Variants in ZNF385D observed in about 807,000 individuals in gnomAD.
ZNF385D encodes zinc finger protein 659.
A neutral mutation model predicts 35.8 loss-of-function variants in ZNF385D; 15 were observed. That is an observed-to-expected ratio of 0.42 (90% CI 0.28 to 0.64). The LOEUF is 0.64. Among genes scored for constraint, ZNF385D ranks in the 30% least tolerant of loss-of-function variants. ZNF385D has a pLI of 0.23. For synonymous variants in ZNF385D, 212 were observed against 186.8 expected (o/e 1.13, Z -1.10); for missense variants, 474 against 494.6 (o/e 0.96, Z 0.39).
intron 3 of ZNF385D, among the ~76,000 whole-genome samples, chr3:21,883,578 C>T (rs899221721): frequency 2.0e-5 from 3 of 151,970 alleles, no homozygotes; most frequent in South Asian, 4.1e-4. Context: ...AATTTGACAG[C>T]GTTTCCCAAG....
At chr3:21,991,534 G>C (rs1416585586) in intron 3 of ZNF385D, among the ~76,000 whole-genome samples, 4 of 152,312 alleles carry the variant, frequency 2.6e-5, no homozygotes, top group African/African-American at 9.6e-5. Context: ...AATATTTTGT[G>C]TTATTCCCAT....
At chr3:21,979,375 G>A (rs1428051868) in intron 3 of ZNF385D, among the ~76,000 whole-genome samples, 1 of 152,104 alleles carries the variant, frequency 6.6e-6, no homozygotes, top group African/African-American at 2.4e-5. Flanking sequence ...TAACCTCATT[G>A]TAGACATAAG....
chr3:21,962,239 G>C (rs924505437), intron 3 of ZNF385D, among the ~76,000 whole-genome samples: 37 of 152,214 alleles, frequency 2.4e-4, no homozygotes, highest in African/African-American at 7.9e-4. Context: ...GAGAAGTAGA[G>C]AAATGAAGAT....
intron 3 of ZNF385D, among the ~76,000 whole-genome samples, chr3:22,145,978 C>T (rs1704827212): frequency 6.6e-6 from 1 of 151,956 alleles, no homozygotes; most frequent in Non-Finnish European, 1.5e-5. Flanking sequence ...GGATTCAAGC[C>T]AATGCATAGA....
At chr3:22,048,147 C>T (rs1305287665) in intron 3 of ZNF385D, among the ~76,000 whole-genome samples, 1 of 151,998 alleles carries the variant, frequency 6.6e-6, no homozygotes, top group Non-Finnish European at 1.5e-5. Flanking sequence ...TAGTGCCTTA[C>T]CAGATGGGTG....
intron 3 of ZNF385D, among the ~76,000 whole-genome samples, chr3:21,856,719 C>G (rs1404379683): frequency 6.6e-6 from 1 of 152,044 alleles, no homozygotes; most frequent in Non-Finnish European, 1.5e-5. Context: ...GTATTTCTAA[C>G]TAGTTGACCT....
In ZNF385D at chr3:22,241,810, A is replaced by C. The variant is rs530442219; in HGVS notation, c.107-72775T>G. Among the ~76,000 whole-genome samples the C allele has an allele frequency of 3.6e-4, 55 of 151,042 alleles. 3 individuals are homozygous for C. The South Asian group carries it at 5.9e-3, about 16-fold the overall frequency. The stretch of plus-strand genomic sequence containing the variant: ...GTGATGAATACACACTCTACAAGGC[A>C]ATATCCATCATTTGAAATTCCAGGA... On this transcript the variant is annotated intron_variant, in intron 2 of 5. Transcript: ENST00000494108.
intron 3 of ZNF385D, among the ~76,000 whole-genome samples, chr3:21,526,532 G>A (rs967274166): frequency 5.9e-5 from 9 of 152,158 alleles, no homozygotes; most frequent in African/African-American, 2.2e-4. Flanking sequence ...TGTAGAACAT[G>A]CAGCCATGGA....
intron 2 of ZNF385D, among the ~76,000 whole-genome samples, chr3:22,266,242 G>C (rs1217373208): frequency 6.6e-6 from 1 of 151,976 alleles, no homozygotes; most frequent in Non-Finnish European, 1.5e-5. Context: ...CAATCAAGCT[G>C]CTTCTTTTTC....
At chr3:22,086,120 G>T (rs544452569) in intron 3 of ZNF385D, among the ~76,000 whole-genome samples, 1 of 152,322 alleles carries the variant, frequency 6.6e-6, no homozygotes, top group Admixed American at 6.5e-5. Context: ...AAACCTGGAA[G>T]CATTCCCTTT....
rs183964537 is a variant in ZNF385D at position 22,137,225 on chromosome 3, C to T, written c.325+31592G>A. Among the ~76,000 whole-genome samples the T allele has an allele frequency of 8.5e-5, 13 of 152,226 alleles. 1 individual carries two copies. Among genetic ancestry groups the T allele is most frequent in the East Asian group, 1.9e-4 (1 of 5,180 alleles). ...GTCCAGGACCAGACGGATTCACAGC[C>T]GAATTCTACCAGAGGTACAAGGAGG... On this transcript the variant is annotated intron_variant, in intron 3 of 5. Transcript: ENST00000494108.
At position 21,589,298 on chromosome 3, in the gene ZNF385D, G is replaced by A. The variant is rs767634138; in HGVS notation, c.166-24614C>T. On this transcript the variant is annotated intron_variant, in intron 2 of 7. Transcript: ENST00000281523. ...AGCAAGTGCAAAGACCCTGCAGTCG[G>A]AGTTTACCTGAGGAAGATATGTCAT... Among the ~76,000 whole-genome samples the A allele has an allele frequency of 5.1e-4, 78 of 152,314 alleles. 2 individuals carry two copies. The highest frequency in any genetic ancestry group is 1.2e-4 in the Non-Finnish European group (8 of 68,042).
chr3:21,909,096 ACTAGGG>A, intron 3 of ZNF385D, among the ~76,000 whole-genome samples: 1 of 152,198 alleles, frequency 6.6e-6, no homozygotes, highest in Non-Finnish European at 1.5e-5. Context: ...CATTGATAGC[ACTAGGG>A]TTGAAAACAC....
chr3:21,780,800 G>C (rs759065219), intron 3 of ZNF385D, among the ~76,000 whole-genome samples: 5 of 151,946 alleles, frequency 3.3e-5, no homozygotes, highest in African/African-American at 4.8e-5. Context: ...TGATCAATAA[G>C]AATGTTCAGA....
At chr3:21,652,740 T>C (rs895003677) in intron 2 of ZNF385D, among the ~76,000 whole-genome samples, 1 of 151,916 alleles carries the variant, frequency 6.6e-6, no homozygotes, top group Non-Finnish European at 1.5e-5. Context: ...TTTTTAGTCC[T>C]TGCGATAGTC....
intron 3 of ZNF385D, among the ~76,000 whole-genome samples, chr3:21,980,673 G>A (rs1369692083): frequency 6.6e-6 from 1 of 152,064 alleles, no homozygotes; most frequent in African/African-American, 2.4e-5. Context: ...CAGCTATTAA[G>A]CCCAGTATCC....
chr3:22,027,059 G>A (rs963119566), intron 3 of ZNF385D, among the ~76,000 whole-genome samples: 1 of 152,120 alleles, frequency 6.6e-6, no homozygotes, highest in Admixed American at 6.5e-5. Context: ...TGTCCATAAG[G>A]CCCACCCAAA....
chr3:22,046,852 G>T (rs1699034050), intron 3 of ZNF385D, among the ~76,000 whole-genome samples: 1 of 152,036 alleles, frequency 6.6e-6, no homozygotes, highest in Admixed American at 6.6e-5. Context: ...AGTAAATGTG[G>T]AATTCATTTC....
At chr3:21,554,898 T>C (rs1343128148) in intron 3 of ZNF385D, among the ~76,000 whole-genome samples, 1 of 152,318 alleles carries the variant, frequency 6.6e-6, no homozygotes, top group South Asian at 2.1e-4. Context: ...TCCTCTGGAT[T>C]AGGCTCTGAT....
Sources: allele counts gnomAD v4.1 joint callset (sites outside exome capture counted in the v4.1 genomes callset), GRCh38; gene constraint gnomAD v4.1.1; transcripts MANE v1.5; gene names NCBI Gene and HGNC (gene_info 2026-07-23, HGNC 2026-07-21).